The following EIF2S3 variants were observed in gnomAD, a reference collection of about 807,000 sequenced individuals.
The protein encoded by EIF2S3 is eukaryotic translation initiation factor 2 subunit 3.
A neutral mutation model predicts 31.7 loss-of-function variants in EIF2S3; 2 were observed. The ratio of observed to expected loss-of-function variants is 0.06; its 90% CI spans 0.03 to 0.20. The LOEUF is 0.20. EIF2S3 is among the 10% of genes least tolerant of loss of function. The pLI is 1.00. For missense variants in EIF2S3, 96 were observed against 359.3 expected (o/e 0.27, Z 5.92); for synonymous variants, 120 against 126.7 (o/e 0.95, Z 0.36).
chrX:24,071,257 C>T (rs1363904182), intron 9 of EIF2S3, among the ~76,000 whole-genome samples: 1 of 107,455 alleles, frequency 9.3e-6, no homozygotes, highest in Non-Finnish European at 1.9e-5. Context: ...GTGGTGCGAT[C>T]TCGGCTCACT....
intron 5 of EIF2S3, among the ~76,000 whole-genome samples, chrX:24,061,798 C>G (rs938255883): frequency 9.0e-6 from 1 of 111,446 alleles, no homozygotes; most frequent in Admixed American, 9.7e-5. Flanking sequence ...TAATTACTCT[C>G]TACTTCTCAG....
Position 24,077,004 on chromosome X carries a change from A to C in EIF2S3, c.*219A>C. 2 of 301,967 alleles carry C rather than the reference A, an allele frequency of 6.6e-6. No individual in the cohort carries two copies. The highest frequency in any genetic ancestry group is 1.1e-5 in the Non-Finnish European group (2 of 179,823). 24.9% of individuals were successfully genotyped at this position (301,967 alleles called of 1,213,427 possible). A position where few individuals can be genotyped will look rare whatever the true frequency, so the allele number is the denominator to read the frequency against. ...TAAAAATTGGCATAATGTTGGATTGAATCTACATTTTGGCAGAAGTTAAAC... is the reference window on the plus strand; with the variant it reads ...TAAAAATTGGCATAATGTTGGATTGCATCTACATTTTGGCAGAAGTTAAAC... On this transcript the variant is annotated 3_prime_UTR_variant, in exon 12 of 12. Transcript: ENST00000253039.
At chrX:24,072,027 C>T (rs937226152) in intron 10 of EIF2S3, among the ~76,000 whole-genome samples, 2 of 108,931 alleles carry the variant, frequency 1.8e-5, no homozygotes, top group African/African-American at 6.7e-5. Flanking sequence ...AGGCACGCAC[C>T]AGCACGCCCA....
At chrX:24,057,798 G>A (rs760993238) in intron 4 of EIF2S3, 44 bp downstream of exon 4, 1 of 1,165,236 alleles carries the variant, frequency 8.6e-7, no homozygotes, top group South Asian at 2.0e-5. Flanking sequence ...ATATTTTATT[G>A]TCTTCTGTTT....
chrX:24,059,747 A>T lies in EIF2S3; in HGVS notation c.384-341A>T, dbSNP rs1290186991. Among the ~76,000 whole-genome samples, 7 of 111,960 alleles carry T rather than the reference A, an allele frequency of 6.3e-5. No homozygotes were observed. The East Asian group carries it at 2.0e-3, about 31-fold the overall frequency. ...CAGAAAATTGTTTTTTCAAATTCTCATTCTGTTAACGTGGTTTTTATAAGT... is the reference window on the plus strand; with the variant it reads ...CAGAAAATTGTTTTTTCAAATTCTCTTTCTGTTAACGTGGTTTTTATAAGT... On this transcript the variant is annotated intron_variant, in intron 4 of 11. Transcript: ENST00000253039.
chrX:24,071,383 G>A lies in EIF2S3; in HGVS notation c.1013-175G>A, dbSNP rs774263781. ...TTTTTTGTATTTTAATAGAGACAGG[G>A]TTTCACCGTGTTGCCCAGGCTGGTC... is the stretch of plus-strand genomic sequence containing the variant. On this transcript the variant is annotated intron_variant, in intron 9 of 11. Transcript: ENST00000253039. Among the ~76,000 whole-genome samples the A allele has an allele frequency of 6.3e-5, 7 of 110,362 alleles. No individual in the cohort carries two copies. In the East Asian group the frequency reaches 1.4e-3, roughly 22 times the overall value.
chrX:24,070,166 G>A (rs1391112559), intron 9 of EIF2S3, among the ~76,000 whole-genome samples: 3 of 99,542 alleles, frequency 3.0e-5, no homozygotes, highest in Admixed American at 2.3e-4. Context: ...TCAGGAGTTC[G>A]AAAAACCCTG....
intron 1 of EIF2S3, 72 bp downstream of exon 1, chrX:24,055,109 G>A (rs1602038203): frequency 9.0e-7 from 1 of 1,107,171 alleles, no homozygotes; most frequent in East Asian, 3.0e-5. Context: ...GGTGGTATTG[G>A]GACTAGTCAG....
At chrX:24,064,839 C>T (rs1292901529) in intron 7 of EIF2S3, among the ~76,000 whole-genome samples, 1 of 111,623 alleles carries the variant, frequency 9.0e-6, no homozygotes, top group Non-Finnish European at 1.9e-5. Context: ...CAAAAAAACC[C>T]AAAAACAACT....
At chrX:24,076,344 C>T (rs1009254057) in intron 11 of EIF2S3, among the ~76,000 whole-genome samples, 1 of 110,819 alleles carries the variant, frequency 9.0e-6, no homozygotes, top group African/African-American at 3.3e-5. Context: ...CCAGCCTGGC[C>T]GACATAGTGA....
In EIF2S3 at chrX:24,076,924, C is replaced by CTTTTTTTTTTTTTTTTTTTTT. The variant is rs747088489; in HGVS notation, c.*140_*141insTTTTTTTTTTTTTTTTTTTTT. The CTTTTTTTTTTTTTTTTTTTTT allele has an allele frequency of 9.4e-6, 1 of 106,659 alleles. No homozygotes were observed. 8.8% of individuals were successfully genotyped at this position (106,659 alleles called of 1,213,427 possible). A position where few individuals can be genotyped will look rare whatever the true frequency, so the allele number is the denominator to read the frequency against. On this transcript the variant is annotated 3_prime_UTR_variant, in exon 12 of 12. Transcript: ENST00000253039. The stretch of plus-strand genomic sequence containing the variant: ...CTTAGTAGGTAACGGTAAGGTTATT[C>CTTTTTTTTTTTTTTTTTTTTT]TCTTTTTTTTTTTTTTTTTTTTTGG...
intron 6 of EIF2S3, among the ~76,000 whole-genome samples, chrX:24,063,317 G>A (rs1244980763): frequency 8.9e-6 from 1 of 112,151 alleles, no homozygotes; most frequent in African/African-American, 3.2e-5. Context: ...GAGGAGATGT[G>A]ATTTATTGTT....
rs148151947 is a variant in EIF2S3 at position 24,063,284 on chromosome X, A to G, written c.637+710A>G. On this transcript the variant is annotated intron_variant, in intron 6 of 11. Coordinates refer to ENST00000253039, the MANE Select transcript of EIF2S3 (RefSeq NM_001415.4). Reference sequence around the variant, plus strand: ...AAATCTCTAGAGTGTCCCTTCTCTAATAGCATAATGTTTTTCATTTCAGAG... The same window carrying G: ...AAATCTCTAGAGTGTCCCTTCTCTAGTAGCATAATGTTTTTCATTTCAGAG... Among the ~76,000 whole-genome samples, 618 of 112,221 alleles carry G rather than the reference A, an allele frequency of 5.5e-3. 9 individuals are homozygous for G. The highest frequency in any genetic ancestry group is 0.019 in the African/African-American group (593 of 30,949).
At chrX:24,066,175 A>G (rs1003209828) in intron 8 of EIF2S3, 83 bp downstream of exon 8, 1 of 687,800 alleles carries the variant, frequency 1.5e-6, no homozygotes, top group Non-Finnish European at 2.1e-6. Context: ...CTTAATCAGG[A>G]AAAAAAGTAT....
At chrX:24,076,377 C>T (rs1203853684) in intron 11 of EIF2S3, among the ~76,000 whole-genome samples, 1 of 110,567 alleles carries the variant, frequency 9.0e-6, no homozygotes, top group Non-Finnish European at 1.9e-5. Flanking sequence ...ACTAAAAATA[C>T]CAAAAAATCA....
chrX:24,060,199 T>C lies in EIF2S3; in HGVS notation c.478+17T>C, dbSNP rs1930469050. 1 of 1,165,651 alleles carries C rather than the reference T, an allele frequency of 8.6e-7. No homozygotes were observed. Among genetic ancestry groups the C allele is most frequent in the Admixed American group, 2.2e-5 (1 of 45,564 alleles). On this transcript the variant is annotated intron_variant, in intron 5 of 11. Coordinates refer to ENST00000253039, the MANE Select transcript of EIF2S3 (RefSeq NM_001415.4). ...TGTTGATAGGTAAATACCTCACAAT[T>C]GGTTTGGACAAATCAATGTGGAACA...
At chrX:24,055,720 T>G (rs759816651) in intron 2 of EIF2S3, 42 bp downstream of exon 2, 10 of 1,135,365 alleles carry the variant, frequency 8.8e-6, no homozygotes, top group Non-Finnish European at 1.2e-5. Flanking sequence ...CTCCAACAAT[T>G]AATTTTAACC....
At chrX:24,072,716 C>T (rs1330084949) in intron 10 of EIF2S3, among the ~76,000 whole-genome samples, 1 of 111,231 alleles carries the variant, frequency 9.0e-6, no homozygotes, top group Non-Finnish European at 1.9e-5. Context: ...CTGCCTTCCT[C>T]GGCCTCCCAA....
chrX:24,063,777 A>G (rs1258962335), intron 6 of EIF2S3, among the ~76,000 whole-genome samples: 3 of 108,612 alleles, frequency 2.8e-5, no homozygotes, highest in Admixed American at 1.0e-4. Flanking sequence ...CCTATCTCCA[A>G]AAAAAAAAAG....
Sources: gnomAD v4.1 joint callset for allele counts (sites outside exome capture counted in the v4.1 genomes callset) on GRCh38, gnomAD v4.1.1 for gene constraint, MANE v1.5 for transcripts, NCBI Gene and HGNC (gene_info 2026-07-23, HGNC 2026-07-21) for gene names.